PBX3: variants seen among roughly 807,000 people sequenced by gnomAD.
PBX3 encodes pre-B-cell leukemia transcription factor 3.
A neutral mutation model predicts 48.5 loss-of-function variants in PBX3; 14 were observed. That is an observed-to-expected ratio of 0.29 (90% CI 0.19 to 0.45). The LOEUF (loss-of-function observed/expected upper bound fraction) is 0.45. PBX3 is among the 20% of genes least tolerant of loss of function. The probability of loss-of-function intolerance (pLI) is 1.00; values close to 1 mark genes in which losing one functional copy is unlikely to be tolerated. For missense variants in PBX3, 386 were observed against 546.7 expected, an observed-to-expected ratio of 0.71 and a Z score of 2.93; for synonymous variants, 210 against 200.3, an observed-to-expected ratio of 1.05 and a Z score of -0.41.
At chr9:125,786,982 C>T (rs572828002) in intron 2 of PBX3, among the ~76,000 whole-genome samples, 19 of 151,408 alleles carry the variant, frequency 1.3e-4, no homozygotes, top group Non-Finnish European at 2.6e-4. Context: ...ACCTCGGCCT[C>T]GCAAAGTGCT....
chr9:125,860,821 A>C (rs1839843429), intron 2 of PBX3, among the ~76,000 whole-genome samples: 2 of 147,488 alleles, frequency 1.4e-5, no homozygotes. Context: ...CAGGAGGCAG[A>C]GGTTGCAGTG....
intron 2 of PBX3, among the ~76,000 whole-genome samples, chr9:125,789,205 AT>A (rs996921200): frequency 6.6e-6 from 1 of 152,178 alleles, no homozygotes; most frequent in African/African-American, 2.4e-5. Flanking sequence ...AATTTTTCCT[AT>A]TATAAAATTT....
At chr9:125,958,445 T>C (rs10819090) in intron 5 of PBX3, among the ~76,000 whole-genome samples, 86,058 of 152,196 alleles carry the variant, frequency 0.57, 27,202 homozygotes, top group Middle Eastern at 0.72. Context: ...GAGAGGTCCC[T>C]TGGGGCTGAG....
chr9:125,894,753 GTCT>G (rs1015905496), intron 2 of PBX3, among the ~76,000 whole-genome samples: 1 of 152,074 alleles, frequency 6.6e-6, no homozygotes, highest in African/African-American at 2.4e-5. Flanking sequence ...TAATGCTTCT[GTCT>G]TCTTATAGTG....
chr9:125,869,989 G>A (rs1401147973), intron 2 of PBX3, among the ~76,000 whole-genome samples: 2 of 151,370 alleles, frequency 1.3e-5, no homozygotes, highest in African/African-American at 2.4e-5. Context: ...AGTTCCACGT[G>A]TCTGGAGAGG....
intron 5 of PBX3, among the ~76,000 whole-genome samples, chr9:125,950,428 T>A (rs1272589870): frequency 6.6e-6 from 1 of 152,090 alleles, no homozygotes; most frequent in African/African-American, 2.4e-5. Context: ...CCATTAAAAG[T>A]GGGATGTTTT....
At chr9:125,779,967 C>T (rs1187449892) in intron 2 of PBX3, among the ~76,000 whole-genome samples, 25 of 98,554 alleles carry the variant, frequency 2.5e-4, no homozygotes, top group South Asian at 8.2e-4. Flanking sequence ...CCGGACGGGG[C>T]GGCTGGCCGG....
chr9:125,866,918 C>T (rs1432807974), intron 2 of PBX3, among the ~76,000 whole-genome samples: 2 of 152,006 alleles, frequency 1.3e-5, no homozygotes, highest in African/African-American at 2.4e-5. Context: ...GTCTTACTTG[C>T]TTTTTTCACC....
intron 2 of PBX3, among the ~76,000 whole-genome samples, chr9:125,846,162 T>C (rs1839422529): frequency 6.6e-6 from 1 of 152,098 alleles, no homozygotes; most frequent in South Asian, 2.1e-4. Context: ...TTTATTTTCC[T>C]ATTAGCTAGA....
chr9:125,922,897 C>G (rs1032004958), intron 3 of PBX3, among the ~76,000 whole-genome samples: 3 of 152,056 alleles, frequency 2.0e-5, no homozygotes, highest in African/African-American at 7.2e-5. Flanking sequence ...TAAGGGTGTA[C>G]CCAGATTTTA....
At chr9:125,835,593 G>A (rs1452145574) in intron 2 of PBX3, among the ~76,000 whole-genome samples, 1 of 152,082 alleles carries the variant, frequency 6.6e-6, no homozygotes, top group East Asian at 1.9e-4. Context: ...ACATATGAAT[G>A]GTCAACAGGT....
At chr9:125,884,971 T>C (rs945554884) in intron 2 of PBX3, among the ~76,000 whole-genome samples, 5 of 152,186 alleles carry the variant, frequency 3.3e-5, no homozygotes, top group South Asian at 2.1e-4. Flanking sequence ...CATTTGCCCA[T>C]TGAATGATAA....
intron 5 of PBX3, among the ~76,000 whole-genome samples, chr9:125,936,176 A>G (rs1053861184): frequency 3.3e-5 from 5 of 152,226 alleles, no homozygotes; most frequent in East Asian, 1.9e-4. Context: ...TTTATTTATA[A>G]TAATTTCTGA....
At chr9:125,887,441 T>C (rs1177900532) in intron 2 of PBX3, among the ~76,000 whole-genome samples, 2 of 152,202 alleles carry the variant, frequency 1.3e-5, no homozygotes, top group Admixed American at 1.3e-4. Flanking sequence ...GTTGCCAATT[T>C]AAAATAAACT....
intron 2 of PBX3, among the ~76,000 whole-genome samples, chr9:125,859,020 A>G (rs1839796068): frequency 6.6e-6 from 1 of 152,208 alleles, no homozygotes; most frequent in Admixed American, 6.5e-5. Context: ...GCGTGACTAC[A>G]GCTTCTGCCC....
intron 2 of PBX3, among the ~76,000 whole-genome samples, chr9:125,801,709 G>A (rs987046763): frequency 3.3e-5 from 5 of 151,468 alleles, no homozygotes; most frequent in Non-Finnish European, 5.9e-5. Flanking sequence ...AGCATTTCCC[G>A]TCATAGCTTG....
intron 2 of PBX3, among the ~76,000 whole-genome samples, chr9:125,881,046 T>C (rs1472939080): frequency 6.6e-6 from 1 of 152,252 alleles, no homozygotes; most frequent in East Asian, 1.9e-4. Context: ...CTTAAGGGTT[T>C]CACTTTGACA....
chr9:125,835,617 C>A (rs1288296794), intron 2 of PBX3, among the ~76,000 whole-genome samples: 2 of 152,130 alleles, frequency 1.3e-5, no homozygotes, highest in African/African-American at 4.8e-5. Context: ...TGAAAATGCC[C>A]AGCATCACTA....
chr9:125,748,527 G>T (rs191606508), intron 1 of PBX3, 23 bp from the exon 2 acceptor site: 8 of 1,611,660 alleles, frequency 5.0e-6, no homozygotes, highest in East Asian at 4.5e-5. Context: ...TAATACCTTT[G>T]TGTTTCGTTA....
Sources: gnomAD v4.1 joint callset for allele counts (sites outside exome capture counted in the v4.1 genomes callset) on GRCh38, gnomAD v4.1.1 for gene constraint, MANE v1.5 for transcripts, NCBI Gene and HGNC (gene_info 2026-07-23, HGNC 2026-07-21) for gene names.